The following DOCK3 variants were observed in gnomAD, a reference collection of about 807,000 sequenced individuals.
DOCK3 encodes dedicator of cytokinesis protein 3.
In DOCK3, 60 loss-of-function variants were observed where a neutral mutation model predicts 265.6. The ratio of observed to expected loss-of-function variants is 0.23; its 90% confidence interval spans 0.18 to 0.28. The LOEUF is 0.28. Ranked by LOEUF, DOCK3 falls within the 10% of genes least tolerant of loss-of-function variation. The pLI is 1.00. For synonymous variants in DOCK3, 881 were observed against 938.0 expected, an observed-to-expected ratio of 0.94 and a Z score of 1.11; for missense variants, 1,981 against 2,594.3, an observed-to-expected ratio of 0.76 and a Z score of 5.14.
intron 4 of DOCK3, among the ~76,000 whole-genome samples, chr3:50,892,889 T>G (rs1483703453): frequency 1.3e-5 from 2 of 152,020 alleles, no homozygotes; most frequent in Non-Finnish European, 2.9e-5. Flanking sequence ...TCTGTGAGTC[T>G]TCTCCCTCAG....
chr3:51,252,893 C>T (rs1220053665), intron 22 of DOCK3, among the ~76,000 whole-genome samples: 7 of 152,146 alleles, frequency 4.6e-5, no homozygotes, highest in Non-Finnish European at 1.0e-4. Flanking sequence ...GAACTTTCAA[C>T]ACTATGTTGA....
At chr3:51,053,332 T>G (rs1030098842) in intron 5 of DOCK3, among the ~76,000 whole-genome samples, 3 of 151,380 alleles carry the variant, frequency 2.0e-5, no homozygotes, top group Non-Finnish European at 2.9e-5. Flanking sequence ...GATCTTCTTA[T>G]TATAGAAGAT....
chr3:51,318,909 C>G (rs2083517791), intron 32 of DOCK3, among the ~76,000 whole-genome samples: 1 of 151,904 alleles, frequency 6.6e-6, no homozygotes, highest in Admixed American at 6.6e-5. Context: ...ACATTATATC[C>G]TGTACCCTTG....
intron 30 of DOCK3, 55 bp from the exon 31 acceptor site, chr3:51,312,789 C>T (rs994793328): frequency 9.6e-6 from 15 of 1,554,626 alleles, no homozygotes; most frequent in South Asian, 1.2e-5. Context: ...GTTTGCAGCC[C>T]TATCCTCCTG....
chr3:50,843,317 T>TA (rs752528744), intron 3 of DOCK3, among the ~76,000 whole-genome samples: 8 of 152,190 alleles, frequency 5.3e-5, no homozygotes, highest in Non-Finnish European at 1.2e-4. Context: ...CAAGAGAGTT[T>TA]ACTTGTATGT....
intron 9 of DOCK3, among the ~76,000 whole-genome samples, chr3:51,105,541 C>A (rs2083248797): frequency 6.6e-6 from 1 of 152,124 alleles, no homozygotes; most frequent in Non-Finnish European, 1.5e-5. Flanking sequence ...ATAATTGTAT[C>A]TATATACATA....
At position 51,356,478 on chromosome 3, in the gene DOCK3, G is replaced by A. The variant is rs2086371018; in HGVS notation, c.4488G>A (p.Val1496=). 4 of 1,604,806 alleles carry A rather than the reference G, an allele frequency of 2.5e-6. No homozygotes were observed. Among genetic ancestry groups the A allele is most frequent in the Non-Finnish European group, 2.6e-6 (3 of 1,176,006 alleles). ...SLPGISRWFE[V]ERRELVEVSP... Reference sequence around the variant, plus strand: ...CTGGCATCTCTCGGTGGTTTGAAGTGGAGAGGAGGGAACTGGTGAGACATG... The same window carrying A: ...CTGGCATCTCTCGGTGGTTTGAAGTAGAGAGGAGGGAACTGGTGAGACATG... The change falls in exon 43 of 53, where the codon GTG becomes GTA. Residue 1496 remains valine, a synonymous_variant. Coordinates refer to ENST00000266037, the MANE Select transcript of DOCK3 (RefSeq NM_004947.5).
chr3:51,333,972 C>G (rs1028910739), intron 35 of DOCK3, among the ~76,000 whole-genome samples: 3 of 152,008 alleles, frequency 2.0e-5, no homozygotes, highest in Non-Finnish European at 4.4e-5. Flanking sequence ...TCCTGAGTAG[C>G]TGGGGCTACA....
At chr3:51,358,961 T>C (rs1463684760) in intron 46 of DOCK3, among the ~76,000 whole-genome samples, 1 of 152,188 alleles carries the variant, frequency 6.6e-6, no homozygotes, top group South Asian at 2.1e-4. Context: ...ACAGGCTGGC[T>C]CCCAGATCTT....
intron 5 of DOCK3, among the ~76,000 whole-genome samples, chr3:50,981,033 G>A (rs1384769557): frequency 1.3e-5 from 2 of 152,042 alleles, no homozygotes. Context: ...TCCTTGAGGT[G>A]CATCATTAGG....
intron 3 of DOCK3, among the ~76,000 whole-genome samples, chr3:50,844,725 A>G (rs955170913): frequency 6.6e-6 from 1 of 152,216 alleles, no homozygotes; most frequent in Non-Finnish European, 1.5e-5. Flanking sequence ...GGCAGGAAGT[A>G]TAACTAAATT....
intron 2 of DOCK3, among the ~76,000 whole-genome samples, chr3:50,781,937 T>C (rs2041938482): frequency 1.3e-5 from 2 of 152,222 alleles, no homozygotes; most frequent in South Asian, 4.1e-4. Context: ...GCTCCATCTA[T>C]GTTCCTGCAA....
At chr3:50,755,626 A>T (rs960084645) in intron 1 of DOCK3, among the ~76,000 whole-genome samples, 1 of 152,176 alleles carries the variant, frequency 6.6e-6, no homozygotes, top group Non-Finnish European at 1.5e-5. Flanking sequence ...GGACATTTTC[A>T]TCTCCCAGGA....
intron 5 of DOCK3, among the ~76,000 whole-genome samples, chr3:50,977,678 T>C (rs1344129711): frequency 2.6e-5 from 4 of 152,188 alleles, no homozygotes; most frequent in Non-Finnish European, 5.9e-5. Context: ...TTCCTGAATC[T>C]GAACGTTGGC....
chr3:50,989,713 G>A lies in DOCK3; in HGVS notation c.315+55636G>A, dbSNP rs1331181617. ...CATGCAGAGATGAGAAAGAACCAAT[G>A]TAAGAACTCTGGTAACTCAAATGGC... is the stretch of plus-strand genomic sequence containing the variant. On this transcript the variant is annotated intron_variant, in intron 5 of 52. Transcript: ENST00000266037. Among the ~76,000 whole-genome samples the A allele has an allele frequency of 3.3e-5, 5 of 152,324 alleles. No individual in the cohort carries two copies. In the South Asian group the frequency reaches 1.0e-3, roughly 32 times the overall value.
chr3:51,053,090 T>G lies in DOCK3; in HGVS notation c.316-11358T>G, dbSNP rs1401453719. Among the ~76,000 whole-genome samples, 26 of 72,792 alleles carry G rather than the reference T, an allele frequency of 3.6e-4. 1 individual carries two copies. The highest frequency in any genetic ancestry group is 7.6e-4 in the African/African-American group (15 of 19,652). 47.8% of individuals were successfully genotyped at this position (72,792 alleles called of 152,430 possible). A position where few individuals can be genotyped will look rare whatever the true frequency, so the allele number is the denominator to read the frequency against. On this transcript the variant is annotated intron_variant, in intron 5 of 52. Coordinates refer to ENST00000266037, the MANE Select transcript of DOCK3 (RefSeq NM_004947.5). ...TAAAAAAGTCAAAGATATATATATATATATATATATATATATATATATATA... is the reference window on the plus strand; with the variant it reads ...TAAAAAAGTCAAAGATATATATATAGATATATATATATATATATATATATA...
At chr3:50,827,417 A>C (rs915854736) in intron 2 of DOCK3, among the ~76,000 whole-genome samples, 4 of 152,156 alleles carry the variant, frequency 2.6e-5, no homozygotes, top group African/African-American at 9.7e-5. Flanking sequence ...CACATAGAGG[A>C]AGGGAGCAAG....
At chr3:50,977,634 T>C (rs2077507360) in intron 5 of DOCK3, among the ~76,000 whole-genome samples, 6 of 152,192 alleles carry the variant, frequency 3.9e-5, no homozygotes, top group Admixed American at 3.9e-4. Flanking sequence ...GGAGTTGCTC[T>C]TCTCGAGGAG....
At chr3:51,182,729 G>A (rs993836201) in intron 12 of DOCK3, among the ~76,000 whole-genome samples, 1 of 152,198 alleles carries the variant, frequency 6.6e-6, no homozygotes, top group African/African-American at 2.4e-5. Context: ...TGCCCTGGAT[G>A]TTAAGCTATA....
Sources: allele counts gnomAD v4.1 joint callset (sites outside exome capture counted in the v4.1 genomes callset), GRCh38; gene constraint gnomAD v4.1.1; transcripts MANE v1.5; gene names NCBI Gene and HGNC (gene_info 2026-07-23, HGNC 2026-07-21).